The following SAV1 variants were observed in gnomAD, a reference collection of about 807,000 sequenced individuals.
SAV1 encodes salvador family WW domain containing protein 1, also known as protein salvador homolog 1.
A neutral mutation model predicts 47.3 loss-of-function variants in SAV1; 23 were observed. The observed-to-expected ratio is 0.49, with a 90% CI of 0.35 to 0.69. The LOEUF (loss-of-function observed/expected upper bound fraction) is 0.69. Among genes scored for constraint, SAV1 ranks in the 30% least tolerant of loss-of-function variants. SAV1 has a pLI of 0.01. For missense variants in SAV1, 448 were observed against 457.4 expected (o/e 0.98, Z 0.19); for synonymous variants, 155 against 159.2 (o/e 0.97, Z 0.20).
intron 2 of SAV1, among the ~76,000 whole-genome samples, chr14:50,649,762 G>C (rs1468242043): frequency 2.6e-5 from 4 of 152,138 alleles, no homozygotes; most frequent in Non-Finnish European, 5.9e-5. Flanking sequence ...GTGCCTGAAA[G>C]GTACAAGGAT....
intron 2 of SAV1, among the ~76,000 whole-genome samples, chr14:50,648,193 A>T (rs2039738022): frequency 6.6e-6 from 1 of 152,234 alleles, no homozygotes; most frequent in Admixed American, 6.5e-5. Flanking sequence ...GCCAGTCTCA[A>T]GTGGCTACAA....
At chr14:50,641,043 T>C in intron 3 of SAV1, 150 bp from the exon 4 acceptor site, 1 of 647,042 alleles carries the variant, frequency 1.5e-6, no homozygotes, top group Non-Finnish European at 2.4e-6. Flanking sequence ...TTTTAAGATA[T>C]TTCTTCTGGC....
intron 3 of SAV1, among the ~76,000 whole-genome samples, chr14:50,643,064 A>G (rs773276019): frequency 3.3e-5 from 5 of 152,364 alleles, no homozygotes; most frequent in Non-Finnish European, 7.3e-5. Flanking sequence ...AGAATTTTGT[A>G]TAAGGATTGG....
chr14:50,645,789 A>C (rs555264269), intron 2 of SAV1, among the ~76,000 whole-genome samples: 1 of 152,304 alleles, frequency 6.6e-6, no homozygotes, highest in South Asian at 2.1e-4. Flanking sequence ...TCTTAAAAGT[A>C]ATCTGGCTGT....
chr14:50,642,150 C>A (rs944558199), intron 3 of SAV1, among the ~76,000 whole-genome samples: 1 of 152,098 alleles, frequency 6.6e-6, no homozygotes, highest in Non-Finnish European at 1.5e-5. Context: ...GAGCTAAACA[C>A]TGAGTACACA....
intron 2 of SAV1, 68 bp downstream of exon 2, chr14:50,665,111 A>G (rs2039889619): frequency 1.4e-6 from 2 of 1,465,072 alleles, no homozygotes; most frequent in South Asian, 3.0e-5. Flanking sequence ...AAAATCTAGA[A>G]AAGAACATCT....
Position 50,645,028 on chromosome 14 carries a change from G to C in SAV1, c.536-14C>G. 1 of 1,593,768 alleles carries C rather than the reference G, an allele frequency of 6.3e-7. No homozygotes were observed. Among genetic ancestry groups the C allele is most frequent in the South Asian group, 1.1e-5 (1 of 89,710 alleles). On this transcript the variant is annotated splice_polypyrimidine_tract_variant and intron_variant, in intron 2 of 4. Transcript: ENST00000324679. ...CTCTCCCAATACCTACGGGGAAAGA[G>C]AAAATGATAGAGAAGAAACAGAACA...
In SAV1 at chr14:50,665,459, T is replaced by G; in HGVS notation, c.255A>C (p.Ile85=). ...RTPIQRTPHE[I]MRRESNRLSA... ...ATAATCTGTTGCTTTCTCTTCTCAT[T>G]ATTTCATGAGGTGTTCTTTGAATTG... Residue 85 remains isoleucine, a synonymous_variant, in exon 2 of 5, where the codon ATA becomes ATC. Transcript: ENST00000324679. 1 of 1,613,952 alleles carries G rather than the reference T, an allele frequency of 6.2e-7. No individual in the cohort carries two copies.
At chr14:50,656,696 C>A (rs1265107737) in intron 2 of SAV1, among the ~76,000 whole-genome samples, 2 of 152,180 alleles carry the variant, frequency 1.3e-5, no homozygotes, top group African/African-American at 4.8e-5. Flanking sequence ...CCCGTCTCAG[C>A]CTCCCAAAGT....
In SAV1 at chr14:50,634,290, A is replaced by G. The variant is rs1253469495; in HGVS notation, c.*893T>C. ...AGATTAAAAGGCCCGTCACCCATTC[A>G]TACCAAAAAATACTTTCTCAACATG... On this transcript the variant is annotated 3_prime_UTR_variant, in exon 5 of 5. Coordinates refer to ENST00000324679, the MANE Select transcript of SAV1 (RefSeq NM_021818.4). 3.1e-6 allele frequency: 1 copy of G among 320,772 alleles called. No homozygotes were observed. Among genetic ancestry groups the G allele is most frequent in the Non-Finnish European group, 6.5e-6 (1 of 154,752 alleles). 19.9% of individuals were successfully genotyped at this position (320,772 alleles called of 1,614,324 possible). A position where few individuals can be genotyped will look rare whatever the true frequency, so the allele number is the denominator to read the frequency against.
intron 2 of SAV1, among the ~76,000 whole-genome samples, chr14:50,662,011 A>G (rs542120936): frequency 5.3e-5 from 8 of 152,096 alleles, no homozygotes; most frequent in Admixed American, 4.6e-4. Flanking sequence ...AATGACTGGT[A>G]TTTTAATAGG....
intron 2 of SAV1, among the ~76,000 whole-genome samples, chr14:50,656,786 AATT>A (rs2039816511): frequency 6.6e-6 from 1 of 152,146 alleles, no homozygotes; most frequent in South Asian, 2.1e-4. Context: ...TATTTTTTCA[AATT>A]ATTATTTGGG....
chr14:50,638,135 C>T (rs2039651517), intron 4 of SAV1, among the ~76,000 whole-genome samples: 2 of 152,144 alleles, frequency 1.3e-5, no homozygotes, highest in South Asian at 4.1e-4. Context: ...GAATGGAAAT[C>T]CTATTCCAAA....
intron 2 of SAV1, among the ~76,000 whole-genome samples, chr14:50,648,945 T>G (rs1001950735): frequency 1.3e-5 from 2 of 152,196 alleles, no homozygotes; most frequent in African/African-American, 4.8e-5. Flanking sequence ...TCTCATTACT[T>G]GATGAAAGTT....
chr14:50,645,221 T>C (rs2039712358), intron 2 of SAV1, among the ~76,000 whole-genome samples: 1 of 152,138 alleles, frequency 6.6e-6, no homozygotes, highest in Admixed American at 6.6e-5. Flanking sequence ...GACTTTGAAA[T>C]TAGTAGAGGG....
intron 1 of SAV1, 89 bp from the exon 2 acceptor site, chr14:50,665,708 A>C (rs2039896574): frequency 2.6e-6 from 3 of 1,141,536 alleles, no homozygotes; most frequent in Non-Finnish European, 3.7e-6. Context: ...CCACCCCAAA[A>C]TCAAAATGTC....
In SAV1 at chr14:50,668,077, C is replaced by T; in HGVS notation, c.-110G>A. The T allele has an allele frequency of 1.2e-5, 8 of 653,882 alleles. 1 individual carries two copies. The highest frequency in any genetic ancestry group is 1.7e-5 in the Non-Finnish European group (8 of 461,090). The allele number at this position is 653,882 out of a possible 1,614,324, so 40.5% of individuals were successfully genotyped here. ...CCGGCGCCGCCGCCTCCTTCCCTCC[C>T]GAGCCGCCGCCTCCGCCGCCGCCTG... is the stretch of plus-strand genomic sequence containing the variant. On this transcript the variant is annotated 5_prime_UTR_variant, in exon 1 of 5. Coordinates refer to ENST00000324679, the MANE Select transcript of SAV1 (RefSeq NM_021818.4).
At chr14:50,649,052 C>T (rs148217369) in intron 2 of SAV1, among the ~76,000 whole-genome samples, 1 of 152,138 alleles carries the variant, frequency 6.6e-6, no homozygotes, top group Non-Finnish European at 1.5e-5. Flanking sequence ...TTAGCTCACT[C>T]TGTTCCAGCT....
chr14:50,645,720 C>A (rs1288802581), intron 2 of SAV1, among the ~76,000 whole-genome samples: 2 of 151,610 alleles, frequency 1.3e-5, no homozygotes, highest in South Asian at 4.1e-4. Flanking sequence ...AAAGATTTGA[C>A]ATTTCAGCTT....
Sources: allele counts gnomAD v4.1 joint callset (sites outside exome capture counted in the v4.1 genomes callset), GRCh38; gene constraint gnomAD v4.1.1; transcripts MANE v1.5; gene names NCBI Gene and HGNC (gene_info 2026-07-23, HGNC 2026-07-21).